PDXDC1: variants seen among roughly 807,000 people sequenced by gnomAD.
PDXDC1 encodes pyridoxal dependent decarboxylase domain containing 1.
A neutral mutation model predicts 100.1 loss-of-function variants in PDXDC1; 42 were observed. That is an observed-to-expected ratio of 0.42 (90% CI 0.33 to 0.54). The LOEUF (loss-of-function observed/expected upper bound fraction) is 0.54, where lower values mean the gene tolerates loss of function less well. Ranked by LOEUF, PDXDC1 falls within the 20% of genes least tolerant of loss-of-function variation. PDXDC1 has a pLI of 0.10. For missense variants in PDXDC1, 636 were observed against 979.2 expected, an observed-to-expected ratio of 0.65 and a Z score of 4.68; for synonymous variants, 260 against 371.7, an observed-to-expected ratio of 0.70 and a Z score of 3.46.
chr16:15,146,447 C>T, the PDXDC1 span, among the ~76,000 whole-genome samples: 1 of 152,160 alleles, frequency 6.6e-6, no homozygotes, highest in Non-Finnish European at 1.5e-5. Context: ...GAGGACGATA[C>T]TCGCGGCTCT....
intron 16 of PDXDC1, chr16:15,093,859 G>C: frequency 6.4e-6 from 3 of 467,594 alleles, no homozygotes; most frequent in South Asian, 2.9e-5. Flanking sequence ...GGAAGGAAGA[G>C]GGGTCAAGGC....
chr16:14,990,082 C>A, intron 1 of PDXDC1: 1 of 1,493,360 alleles, frequency 6.7e-7, no homozygotes, highest in East Asian at 3.1e-5. Context: ...AGTAGGAGGC[C>A]AAGCAGGCAG....
chr16:15,043,947 CAAAAAAAGAA>C (rs1157044771), intron 16 of PDXDC1, among the ~76,000 whole-genome samples: 1 of 148,764 alleles, frequency 6.7e-6, no homozygotes, highest in South Asian at 2.1e-4. Flanking sequence ...GACTACATCT[CAAAAAAAGAA>C]AAAAAAAGAA....
At chr16:14,978,586 G>A in intron 1 of PDXDC1, among the ~76,000 whole-genome samples, 1 of 152,392 alleles carries the variant, frequency 6.6e-6, no homozygotes, top group South Asian at 2.1e-4. Flanking sequence ...CTCGAGACAA[G>A]GTCTCACTAT....
At chr16:15,093,473 G>A (rs530078302) in intron 16 of PDXDC1, among the ~76,000 whole-genome samples, 35 of 152,184 alleles carry the variant, frequency 2.3e-4, no homozygotes, top group African/African-American at 7.7e-4. Context: ...CCCCTATGCT[G>A]TAAGCTCTGT....
At chr16:15,087,532 G>A (rs1481652453) in intron 16 of PDXDC1, among the ~76,000 whole-genome samples, 1 of 152,092 alleles carries the variant, frequency 6.6e-6, no homozygotes, top group Non-Finnish European at 1.5e-5. Context: ...CAGCTACTGA[G>A]TGCTTACTAT....
At chr16:15,144,259 C>A (rs969340537), downstream of PDXDC1, among the ~76,000 whole-genome samples, 2 of 152,218 alleles carry the variant, frequency 1.3e-5, no homozygotes, top group African/African-American at 2.4e-5. Flanking sequence ...CTGGGCCAGC[C>A]GAGCCATGAC....
downstream of PDXDC1, among the ~76,000 whole-genome samples, chr16:15,143,902 G>A (rs537039107): frequency 1.2e-3 from 181 of 152,332 alleles, no homozygotes; most frequent in African/African-American, 4.0e-3. Flanking sequence ...TTCCAGACGC[G>A]TGTGGTCAGC....
intron 16 of PDXDC1, chr16:15,128,432 C>T (rs1437509818): frequency 5.2e-6 from 6 of 1,157,086 alleles, no homozygotes; most frequent in Non-Finnish European, 7.6e-6. Context: ...GTCTGCTGCC[C>T]AACACGTGTG....
intron 6 of PDXDC1, among the ~76,000 whole-genome samples, chr16:15,008,375 A>T (rs2040963687): frequency 6.6e-6 from 1 of 152,290 alleles, no homozygotes; most frequent in South Asian, 2.1e-4. Flanking sequence ...GTGAACCCAT[A>T]AATAAGATAC....
At chr16:15,074,150 A>G (rs975161435) in intron 16 of PDXDC1, among the ~76,000 whole-genome samples, 2 of 152,206 alleles carry the variant, frequency 1.3e-5, no homozygotes, top group African/African-American at 4.8e-5. Context: ...TTCTCTAATC[A>G]ACATGTATTA....
chr16:14,996,429 A>C, intron 1 of PDXDC1: 1 of 307,992 alleles, frequency 3.2e-6, no homozygotes, highest in South Asian at 3.3e-5. Context: ...TATTATATGT[A>C]TTATATGTAA....
At chr16:15,007,738 A>G (rs1340784623) in intron 6 of PDXDC1, among the ~76,000 whole-genome samples, 1 of 152,282 alleles carries the variant, frequency 6.6e-6, no homozygotes, top group East Asian at 1.9e-4. Flanking sequence ...GAGTTTAATA[A>G]TAATCCTCTG....
At chr16:15,135,611 G>A (rs1306864850) in intron 16 of PDXDC1, 7 of 1,519,548 alleles carry the variant, frequency 4.6e-6, no homozygotes, top group African/African-American at 1.4e-5. Context: ...GGTGTGGACG[G>A]GTGAGGGGCA....
intron 21 of PDXDC1, among the ~76,000 whole-genome samples, chr16:15,034,841 G>A (rs1161170068): frequency 6.6e-6 from 1 of 152,204 alleles, no homozygotes; most frequent in Non-Finnish European, 1.5e-5. Flanking sequence ...AGGGTGCTGT[G>A]TCTTGGGCAT....
chr16:15,042,068 G>C (rs543655554), downstream of PDXDC1, among the ~76,000 whole-genome samples: 1 of 152,220 alleles, frequency 6.6e-6, no homozygotes, highest in East Asian at 1.9e-4. Context: ...AAAAATACAA[G>C]AGAACATAAG....
At chr16:15,130,173 G>C in intron 16 of PDXDC1, 1 of 1,532,754 alleles carries the variant, frequency 6.5e-7, no homozygotes. Context: ...CGACTCTGCA[G>C]AGGCTCCCAG....
chr16:15,124,420 A>C (rs1175826778), intron 16 of PDXDC1, among the ~76,000 whole-genome samples: 1 of 152,124 alleles, frequency 6.6e-6, no homozygotes, highest in Non-Finnish European at 1.5e-5. Context: ...TGATGCTACA[A>C]ATAGAAAGCC....
intron 16 of PDXDC1, among the ~76,000 whole-genome samples, chr16:15,066,983 G>A (rs538454158): frequency 2.0e-5 from 3 of 151,184 alleles, no homozygotes; most frequent in South Asian, 4.3e-4. Flanking sequence ...AACATACCAG[G>A]GGCAGCGGCC....
Sources: allele counts gnomAD v4.1 joint callset (sites outside exome capture counted in the v4.1 genomes callset), GRCh38; gene constraint gnomAD v4.1.1; transcripts MANE v1.5; gene names NCBI Gene and HGNC (gene_info 2026-07-23, HGNC 2026-07-21).